Variants in TPM1 observed in about 807,000 individuals in gnomAD.
TPM1 encodes the protein tropomyosin 1.
TPM1 carries 24 observed loss-of-function variants against 42.9 expected under a neutral mutation model. That is an observed-to-expected ratio of 0.56 (90% confidence interval 0.41 to 0.79). TPM1 has a LOEUF of 0.79. Among genes scored for constraint, TPM1 ranks in the 30% least tolerant of loss-of-function variants. TPM1 has a pLI of 0.00. For missense variants in TPM1, 158 were observed against 351.8 expected (o/e 0.45, Z 4.41); for synonymous variants, 136 against 130.1 (o/e 1.05, Z -0.31).
intron 2 of TPM1, 129 bp downstream of exon 2, chr15:63,044,281 G>A (rs747886271): frequency 1.2e-5 from 17 of 1,398,602 alleles, no homozygotes; most frequent in African/African-American, 1.4e-5. Context: ...GCCCTGCCAT[G>A]GCCCAGAGCA....
chr15:63,057,041 G>A lies in TPM1; in HGVS notation c.297G>A (p.Leu99=). 1 of 1,614,218 alleles carries A rather than the reference G, an allele frequency of 6.2e-7. No individual in the cohort carries two copies. Among genetic ancestry groups the A allele is most frequent in the Non-Finnish European group, 8.5e-7 (1 of 1,180,040 alleles). Residue 99 remains leucine (L), a synonymous_variant, in exon 3 of 10, where the codon TTG becomes TTA. Coordinates refer to ENST00000403994, the MANE Select transcript of TPM1 (RefSeq NM_001018005.2). ...GCATCCAGCTGGTTGAGGAAGAGTT[G>A]GATCGTGCCCAGGAGCGTCTGGCAA... ...NRRIQLVEEE[L]DRAQERLATA... is the part of the protein sequence containing the mutation.
chr15:63,052,487 C>T (rs1267716890), intron 2 of TPM1, among the ~76,000 whole-genome samples: 2 of 152,004 alleles, frequency 1.3e-5, no homozygotes, highest in East Asian at 1.9e-4. Flanking sequence ...CATGCCACTG[C>T]ACTCCAGCCT....
At chr15:63,070,290 G>GTGTATATA (rs946549260), downstream of TPM1, 108 of 502,984 alleles carry the variant, frequency 2.1e-4, no homozygotes, top group African/African-American at 1.5e-3. Context: ...CTTTAAGTAT[G>GTGTATATA]TATATATATA....
At chr15:63,043,900 C>T (rs62013181) in intron 1 of TPM1, 127 bp from the exon 2 acceptor site, 2 of 1,552,158 alleles carry the variant, frequency 1.3e-6, no homozygotes, top group East Asian at 2.4e-5. Flanking sequence ...CTCTCCCTCC[C>T]TGTCTTTCCC....
At chr15:63,049,329 C>T (rs1432852299) in intron 2 of TPM1, 1 of 153,292 alleles carries the variant, frequency 6.5e-6, no homozygotes, top group South Asian at 2.0e-4. Flanking sequence ...CAGCAGTCCT[C>T]CTCCCCTTTT....
intron 8 of TPM1, chr15:63,063,800 C>T: frequency 2.1e-6 from 1 of 481,274 alleles, no homozygotes; most frequent in Non-Finnish European, 3.7e-6. Context: ...TACTGATATA[C>T]CTACCATATT....
chr15:63,048,481 C>T, intron 2 of TPM1: 1 of 1,425,058 alleles, frequency 7.0e-7, no homozygotes, highest in Non-Finnish European at 9.1e-7. Flanking sequence ...GGCGGACCGG[C>T]GCTGGGCAGC....
chr15:63,051,476 G>GGA (rs1555405842), intron 2 of TPM1, among the ~76,000 whole-genome samples: 1 of 151,694 alleles, frequency 6.6e-6, no homozygotes, highest in African/African-American at 2.4e-5. Flanking sequence ...ATGGGCTTTG[G>GGA]CACACACAGG....
rs1461492746 is a variant in TPM1, at chr15:63,063,989, C to T, written c.773-75C>T. The T allele has an allele frequency of 5.7e-6, 9 of 1,591,656 alleles. No homozygotes were observed. In the Admixed American group the frequency reaches 1.4e-4, roughly 24 times the overall value. On this transcript the variant is annotated intron_variant, in intron 8 of 9. Transcript: ENST00000403994. ...CTGCTGTGTTGGGATGGTGCGCGCA[C>T]CACCCTCACTCACCCTCCATTTCTT...
chr15:63,066,611 A>G (rs1196738189), downstream of TPM1, among the ~76,000 whole-genome samples: 1 of 152,192 alleles, frequency 6.6e-6, no homozygotes, highest in Admixed American at 6.5e-5. Flanking sequence ...GAAGGGTGAA[A>G]AAGAACTTGG....
At chr15:63,055,138 C>T (rs1166122307) in intron 2 of TPM1, among the ~76,000 whole-genome samples, 1 of 152,198 alleles carries the variant, frequency 6.6e-6, no homozygotes, top group Non-Finnish European at 1.5e-5. Flanking sequence ...CAACAGTCAT[C>T]TGCCAGTAAT....
downstream of TPM1, chr15:63,071,053 C>CAGCT (rs754880853): frequency 6.2e-7 from 1 of 1,613,222 alleles, no homozygotes; most frequent in African/African-American, 1.3e-5. Flanking sequence ...GTCCAAAGCA[C>CAGCT]AGCTATTCAT....
rs987288511 is a variant in TPM1, at chr15:63,066,017, T to G, written c.*118T>G. ...GGTTCTCTCTCTTAGCATCCTGCCTTAGAGCCAGGCACACACTGTGCTTTC... is the reference window on the plus strand; with the variant it reads ...GGTTCTCTCTCTTAGCATCCTGCCTGAGAGCCAGGCACACACTGTGCTTTC... On this transcript the variant is annotated 3_prime_UTR_variant, in exon 10 of 10. Transcript: ENST00000403994. The G allele has an allele frequency of 6.4e-7, 1 of 1,554,042 alleles. No individual in the cohort carries two copies. Among genetic ancestry groups the G allele is most frequent in the South Asian group, 1.2e-5 (1 of 84,604 alleles).
At chr15:63,044,188 G>T (rs375321933) in intron 2 of TPM1, 36 bp downstream of exon 2, 92 of 1,613,928 alleles carry the variant, frequency 5.7e-5, no homozygotes, top group Admixed American at 3.3e-5. Context: ...CTCACCTCTT[G>T]CCTGCGTGGC....
At chr15:63,061,817 G>C (rs759415395) in intron 6 of TPM1, 29 bp downstream of exon 6, 194 of 1,607,610 alleles carry the variant, frequency 1.2e-4, no homozygotes, top group Non-Finnish European at 3.8e-5. Context: ...GTGGGGGAAA[G>C]GCATCTTTTA....
intron 2 of TPM1, among the ~76,000 whole-genome samples, chr15:63,055,285 G>T (rs1334841387): frequency 6.6e-6 from 1 of 152,114 alleles, no homozygotes; most frequent in Non-Finnish European, 1.5e-5. Flanking sequence ...CTACATTTTT[G>T]TCAAGATAAA....
chr15:63,064,043 C>T (rs1259120268), intron 8 of TPM1, 21 bp from the exon 9 acceptor site: 10 of 1,613,492 alleles, frequency 6.2e-6, no homozygotes, highest in Admixed American at 1.7e-5. Flanking sequence ...TGCACCTCTG[C>T]CTTCCACTTC....
downstream of TPM1, among the ~76,000 whole-genome samples, chr15:63,067,131 A>C (rs2036325376): frequency 6.6e-6 from 1 of 151,980 alleles, no homozygotes; most frequent in Non-Finnish European, 1.5e-5. Context: ...GATGATCTGC[A>C]TGTTTTGTAT....
chr15:63,067,716 T>C (rs1019767861), downstream of TPM1, among the ~76,000 whole-genome samples: 12 of 152,234 alleles, frequency 7.9e-5, no homozygotes, highest in African/African-American at 2.9e-4. Flanking sequence ...TGTTGATTTC[T>C]TGTTCAACTG....
Sources: allele counts gnomAD v4.1 joint callset (sites outside exome capture counted in the v4.1 genomes callset), GRCh38; gene constraint gnomAD v4.1.1; transcripts MANE v1.5; gene names NCBI Gene and HGNC (gene_info 2026-07-23, HGNC 2026-07-21).